The following SETBP1 variants were observed in gnomAD, a reference collection of about 807,000 sequenced individuals.
The protein encoded by SETBP1 is SET-binding protein.
Under a neutral mutation model 101.0 loss-of-function variants are expected in SETBP1, and 9 were observed. That is an observed-to-expected ratio of 0.09 (90% CI 0.05 to 0.16). The LOEUF (loss-of-function observed/expected upper bound fraction) is 0.16, where lower values mean the gene tolerates loss of function less well. Ranked by LOEUF, SETBP1 falls within the 10% of genes least tolerant of loss-of-function variation. The pLI is 1.00. For missense variants in SETBP1, 1,858 were observed against 2,033.8 expected (o/e 0.91, Z 1.66); for synonymous variants, 818 against 788.5 (o/e 1.04, Z -0.63).
intron 2 of SETBP1, among the ~76,000 whole-genome samples, chr18:44,705,818 A>G (rs1423927206): frequency 6.6e-6 from 1 of 152,192 alleles, no homozygotes; most frequent in Non-Finnish European, 1.5e-5. Flanking sequence ...CTAACTCTCC[A>G]AACTGGAGAA....
chr18:45,013,235 G>T (rs2072875366), intron 4 of SETBP1, among the ~76,000 whole-genome samples: 1 of 152,128 alleles, frequency 6.6e-6, no homozygotes, highest in South Asian at 2.1e-4. Flanking sequence ...CACCTCCTTG[G>T]CCCCACCCTG....
intron 2 of SETBP1, among the ~76,000 whole-genome samples, chr18:44,742,961 C>G (rs1449846118): frequency 1.4e-5 from 2 of 143,664 alleles, no homozygotes; most frequent in Non-Finnish European, 3.1e-5. Flanking sequence ...CTCTCTCTCT[C>G]TCTCTCTCTC....
intron 3 of SETBP1, among the ~76,000 whole-genome samples, chr18:44,895,017 G>A (rs983345576): frequency 2.5e-4 from 37 of 149,658 alleles, no homozygotes; most frequent in African/African-American, 8.4e-4. Context: ...GGGAGGCTGA[G>A]GTGGGAGGAT....
chr18:44,939,758 G>A (rs1355614212), intron 3 of SETBP1, among the ~76,000 whole-genome samples: 1 of 152,212 alleles, frequency 6.6e-6, no homozygotes, highest in Non-Finnish European at 1.5e-5. Flanking sequence ...CAGTGAATGT[G>A]CAATGGTATC....
intron 3 of SETBP1, among the ~76,000 whole-genome samples, chr18:44,931,652 G>C (rs899951284): frequency 1.3e-5 from 2 of 152,166 alleles, no homozygotes; most frequent in African/African-American, 4.8e-5. Flanking sequence ...ATTTAGGATA[G>C]TTAGCTCTTC....
At chr18:44,932,884 T>TTTGAACATCCTC (rs1201569306) in intron 3 of SETBP1, among the ~76,000 whole-genome samples, 20 of 152,220 alleles carry the variant, frequency 1.3e-4, no homozygotes, top group Non-Finnish European at 1.0e-4. Flanking sequence ...TTGCATTGGG[T>TTTGAACATCCTC]TTGAACATCC....
chr18:44,951,643 T>A lies in SETBP1; in HGVS notation c.2303T>A (p.Leu768His). ...GCCGTGCCTTCCAACTTTCAGTCAC[T>A]TGTGGCGTCTTCACCAGCAGCTATG... is the stretch of plus-strand genomic sequence containing the variant. ...VPAVPSNFQS[L>H]VASSPAAMHP... Residue 768 changes from leucine to histidine, a missense_variant, in exon 4 of 6, where the codon CTT (leucine) becomes CAT (histidine). This residue lies in a region of SETBP1 where 121 missense variants were observed against 138.0 expected (regional missense o/e 0.88). Transcript: ENST00000649279. The surrounding 1 kb of genome is among the most constrained non-coding windows in gnomAD (Gnocchi z 7.8). 2 of 1,614,134 alleles carry A rather than the reference T, an allele frequency of 1.2e-6. No individual in the cohort carries two copies. Among genetic ancestry groups the A allele is most frequent in the Non-Finnish European group, 1.7e-6 (2 of 1,180,038 alleles).
At chr18:45,011,418 A>T (rs2072835463) in intron 4 of SETBP1, among the ~76,000 whole-genome samples, 1 of 152,204 alleles carries the variant, frequency 6.6e-6, no homozygotes, top group African/African-American at 2.4e-5. Flanking sequence ...TCTTATAGCA[A>T]GGGTGCATTC....
chr18:44,795,671 C>T (rs911715670), intron 2 of SETBP1, among the ~76,000 whole-genome samples: 1 of 152,168 alleles, frequency 6.6e-6, no homozygotes, highest in African/African-American at 2.4e-5. Context: ...TTTATACATA[C>T]AATGTTTTAT....
chr18:45,048,925 T>C (rs2073668774), intron 5 of SETBP1, among the ~76,000 whole-genome samples: 1 of 129,866 alleles, frequency 7.7e-6, no homozygotes, highest in African/African-American at 2.9e-5. Context: ...TGAGCCGAGA[T>C]TGCGCCACTG....
At chr18:44,773,031 T>C (rs1307004242) in intron 2 of SETBP1, among the ~76,000 whole-genome samples, 3 of 152,228 alleles carry the variant, frequency 2.0e-5, no homozygotes, top group Middle Eastern at 3.2e-3. Context: ...TTGGTATTCA[T>C]TGAAGACCAA....
intron 3 of SETBP1, among the ~76,000 whole-genome samples, chr18:44,921,668 C>T (rs2070583237): frequency 6.6e-6 from 1 of 152,120 alleles, no homozygotes; most frequent in Non-Finnish European, 1.5e-5. Flanking sequence ...TGTAAGGGAT[C>T]TCCTCAAAAG....
At chr18:44,961,038 G>T (rs1000226439) in intron 4 of SETBP1, among the ~76,000 whole-genome samples, 4 of 152,214 alleles carry the variant, frequency 2.6e-5, no homozygotes, top group African/African-American at 4.8e-5. Context: ...AACCCAGCTG[G>T]TGTCCAGAAT....
rs747370385 is a variant in SETBP1, at chr18:44,701,550, T to C, written c.204T>C (p.Asp68=). 1 of 1,613,890 alleles carries C rather than the reference T, an allele frequency of 6.2e-7. No homozygotes were observed. The highest frequency in any genetic ancestry group is 8.5e-7 in the Non-Finnish European group (1 of 1,179,990). Reference sequence around the variant, plus strand: ...AGGATGAACTAGGCTCAGGGCGGGATGTGGATTCCAACTCCAACGCGGACA... The same window carrying C: ...AGGATGAACTAGGCTCAGGGCGGGACGTGGATTCCAACTCCAACGCGGACA... ...EEEDELGSGR[D]VDSNSNADSE... is the part of the protein sequence containing the mutation. Residue 68 remains aspartate, a synonymous_variant, in exon 2 of 6, where the codon GAT becomes GAC. Transcript: ENST00000649279.
At chr18:44,707,922 AAC>A (rs1401138209) in intron 2 of SETBP1, among the ~76,000 whole-genome samples, 1 of 152,200 alleles carries the variant, frequency 6.6e-6, no homozygotes, top group Non-Finnish European at 1.5e-5. Flanking sequence ...GCCTTTTGGT[AAC>A]ACAGTTTTCA....
At chr18:44,844,054 CAT>C in intron 2 of SETBP1, among the ~76,000 whole-genome samples, 1 of 152,030 alleles carries the variant, frequency 6.6e-6, no homozygotes, top group Non-Finnish European at 1.5e-5. Flanking sequence ...ATTTTTTTTA[CAT>C]GTGTGTATGG....
intron 2 of SETBP1, among the ~76,000 whole-genome samples, chr18:44,706,939 A>G (rs573729183): frequency 6.6e-6 from 1 of 152,364 alleles, no homozygotes; most frequent in Non-Finnish European, 1.5e-5. Context: ...GAAAATGGAT[A>G]ATTTACAGAG....
At chr18:44,830,035 C>T (rs906594900) in intron 2 of SETBP1, among the ~76,000 whole-genome samples, 5 of 152,172 alleles carry the variant, frequency 3.3e-5, no homozygotes, top group African/African-American at 1.2e-4. Flanking sequence ...CACAGAGGCA[C>T]TCATTCCTCT....
At chr18:44,806,942 T>G (rs1403959168) in intron 2 of SETBP1, among the ~76,000 whole-genome samples, 1 of 152,074 alleles carries the variant, frequency 6.6e-6, no homozygotes, top group Non-Finnish European at 1.5e-5. Flanking sequence ...ACTTTACATG[T>G]AGATTTACCC....
Sources: allele counts gnomAD v4.1 joint callset (sites outside exome capture counted in the v4.1 genomes callset), GRCh38; gene constraint gnomAD v4.1.1; regional missense constraint gnomAD v4.1.1; non-coding constraint Gnocchi (gnomAD v3.1); transcripts MANE v1.5; gene names NCBI Gene and HGNC (gene_info 2026-07-23, HGNC 2026-07-21).